TRPC1: variants seen among roughly 807,000 people sequenced by gnomAD.
TRPC1 encodes short transient receptor potential channel 1.
TRPC1 carries 42 observed loss-of-function variants against 88.2 expected under a neutral mutation model. The ratio of observed to expected loss-of-function variants is 0.48; its 90% CI spans 0.37 to 0.62. The LOEUF is 0.62. Among genes scored for constraint, TRPC1 ranks in the 20% least tolerant of loss-of-function variants. The pLI is 0.00. For missense variants in TRPC1, 699 were observed against 957.3 expected, an observed-to-expected ratio of 0.73 and a Z score of 3.56; for synonymous variants, 288 against 331.8, an observed-to-expected ratio of 0.87 and a Z score of 1.43.
Position 142,724,484 on chromosome 3 carries a change from G to T in TRPC1, c.-76G>T. On this transcript the variant is annotated 5_prime_UTR_variant, in exon 1 of 13. Coordinates refer to ENST00000476941, the MANE Select transcript of TRPC1 (RefSeq NM_001251845.2). This position sits in a 1 kb window ranked among gnomAD's most constrained non-coding sequence, Gnocchi z 5.6. ...ATCCTTTTTCCAGCCCTGGGGCGTG[G>T]CTGGGGTCGGGGTCGGGGTCGGGGC... 1.4e-6 allele frequency: 2 copies of T among 1,395,614 alleles called. No individual in the cohort carries two copies. The highest frequency in any genetic ancestry group is 1.9e-6 in the Non-Finnish European group (2 of 1,061,210). 86.5% of individuals were successfully genotyped at this position (1,395,614 alleles called of 1,614,324 possible). A position where few individuals can be genotyped will look rare whatever the true frequency, so the allele number is the denominator to read the frequency against.
chr3:142,803,476 T>G (rs548386212), intron 10 of TRPC1, among the ~76,000 whole-genome samples: 3 of 152,224 alleles, frequency 2.0e-5, no homozygotes, highest in Admixed American at 2.0e-4. Flanking sequence ...CTTGTAAGGA[T>G]TTTGAGTTAT....
At chr3:142,766,818 ATACT>A (rs1935410551) in intron 4 of TRPC1, among the ~76,000 whole-genome samples, 1 of 152,186 alleles carries the variant, frequency 6.6e-6, no homozygotes, top group African/African-American at 2.4e-5. Context: ...ATGTGAGGTA[ATACT>A]TAATAAACTC....
At position 142,806,135 on chromosome 3, in the gene TRPC1, T is replaced by G. The variant is rs1936786889; in HGVS notation, c.2282T>G (p.Leu761Arg). ...ACAGATCAGGCAACTGTGGAAAATC[T>G]AAACGAACTGCGCCAAGATCTGTCA... ...QSTDQATVENLNELRQDLSKF... is the reference protein window; with the variant it reads ...QSTDQATVENRNELRQDLSKF... The change falls in exon 13 of 13, where the codon CTA (leucine) becomes CGA (arginine). Residue 761 changes from leucine (L) to arginine (R), a missense_variant. This residue lies in a region of TRPC1 where 105 missense variants were observed against 141.7 expected (regional missense o/e 0.74). Coordinates refer to ENST00000476941, the MANE Select transcript of TRPC1 (RefSeq NM_001251845.2). The G allele has an allele frequency of 6.2e-7, 1 of 1,613,810 alleles. No homozygotes were observed. Among genetic ancestry groups the G allele is most frequent in the African/African-American group, 1.3e-5 (1 of 74,926 alleles).
chr3:142,803,883 A>T (rs532149290), intron 10 of TRPC1, 94 bp from the exon 11 acceptor site: 1 of 1,256,190 alleles, frequency 8.0e-7, no homozygotes, highest in Non-Finnish European at 1.1e-6. Flanking sequence ...TGGATTATCA[A>T]TGTTTTATTT....
chr3:142,793,962 T>G, intron 9 of TRPC1: 2 of 909,258 alleles, frequency 2.2e-6, no homozygotes, highest in Non-Finnish European at 2.6e-6. Flanking sequence ...CTGAATTAAG[T>G]AAGTTTGGGA....
intron 4 of TRPC1, among the ~76,000 whole-genome samples, chr3:142,763,356 C>T (rs559102017): frequency 6.6e-6 from 1 of 152,076 alleles, no homozygotes; most frequent in South Asian, 2.1e-4. Flanking sequence ...ACTTTATATA[C>T]TTGGGGGCTC....
Position 142,776,166 on chromosome 3 carries a change from G to A in TRPC1, c.633-1466G>A, listed in dbSNP as rs1391379113. Reference sequence around the variant, plus strand: ...TGTTACACTTTTTAAAAAGCAAGCTGTTCCTTTATTATGTCTGATTATGTT... The same window carrying A: ...TGTTACACTTTTTAAAAAGCAAGCTATTCCTTTATTATGTCTGATTATGTT... On this transcript the variant is annotated intron_variant, in intron 4 of 12. Coordinates refer to ENST00000476941, the MANE Select transcript of TRPC1 (RefSeq NM_001251845.2). The surrounding 1 kb of genome is among the most constrained non-coding windows in gnomAD (Gnocchi z 4.1). 4.6e-5 allele frequency among the ~76,000 whole-genome samples: 7 copies of A among 152,118 alleles called. No homozygotes were observed. The highest frequency in any genetic ancestry group is 8.8e-5 in the Non-Finnish European group (6 of 68,026).
At chr3:142,774,798 C>A (rs1935702653) in intron 4 of TRPC1, among the ~76,000 whole-genome samples, 1 of 151,846 alleles carries the variant, frequency 6.6e-6, no homozygotes, top group Admixed American at 6.6e-5. Flanking sequence ...ATTGATAGAT[C>A]TTATGAAAGA....
In TRPC1 at chr3:142,724,636, C is replaced by T; in HGVS notation, c.77C>T (p.Ser26Phe). 1.2e-6 allele frequency: 2 copies of T among 1,612,854 alleles called. No homozygotes were observed. The highest frequency in any genetic ancestry group is 1.7e-6 in the Non-Finnish European group (2 of 1,179,518). ...TCCCTGCCTTCCTCTCCATCCTCTT[C>T]CTCGCCGAACGAGGTGATGGCGCTG... ...SSSLPSSPSS[S>F]SPNEVMALKD... The change falls in exon 1 of 13, where the codon TCC (serine) becomes TTC (phenylalanine). Residue 26 changes from serine to phenylalanine, a missense_variant. Transcript: ENST00000476941. The surrounding 1 kb of genome is among the most constrained non-coding windows in gnomAD (Gnocchi z 5.6).
intron 1 of TRPC1, among the ~76,000 whole-genome samples, chr3:142,734,431 AAT>A (rs1221475656): frequency 6.6e-6 from 1 of 152,166 alleles, no homozygotes; most frequent in Non-Finnish European, 1.5e-5. Context: ...GAGTGGAAGA[AAT>A]ATGTGAAGAA....
chr3:142,739,632 T>A (rs190926386), intron 2 of TRPC1, among the ~76,000 whole-genome samples: 62 of 152,290 alleles, frequency 4.1e-4, no homozygotes, highest in Non-Finnish European at 7.1e-4. Flanking sequence ...AATTTGGGTT[T>A]TATATAATAG....
At position 142,792,658 on chromosome 3, in the gene TRPC1, A is replaced by G. The variant is rs1471887244; in HGVS notation, c.1438-166A>G. Among the ~76,000 whole-genome samples the G allele has an allele frequency of 6.6e-6, 1 of 152,022 alleles. No individual in the cohort carries two copies. The highest frequency in any genetic ancestry group is 1.5e-5 in the Non-Finnish European group (1 of 67,948). ...CACATACATAATAATATTTTATTTC[A>G]TTAAAATATTATTTCTATTTTTAAA... On this transcript the variant is annotated intron_variant, in intron 8 of 12. Transcript: ENST00000476941. The surrounding 1 kb of genome is among the most constrained non-coding windows in gnomAD (Gnocchi z 4.0).
chr3:142,804,688 A>C, intron 12 of TRPC1, 58 bp downstream of exon 12: 2 of 1,500,504 alleles, frequency 1.3e-6, no homozygotes, highest in Non-Finnish European at 1.8e-6. Context: ...CTAATCTCAG[A>C]TATTTCTTAA....
intron 4 of TRPC1, among the ~76,000 whole-genome samples, chr3:142,774,459 T>G (rs901058677): frequency 6.6e-6 from 1 of 152,216 alleles, no homozygotes; most frequent in Non-Finnish European, 1.5e-5. Context: ...TTTCAGCCAG[T>G]AGAGCTATAG....
At chr3:142,764,958 C>CT (rs1175863239) in intron 4 of TRPC1, among the ~76,000 whole-genome samples, 2 of 151,828 alleles carry the variant, frequency 1.3e-5, no homozygotes, top group Non-Finnish European at 1.5e-5. Context: ...GTTCTTTTGT[C>CT]TTTTTTCTCC....
chr3:142,741,259 T>C (rs1201603844), intron 2 of TRPC1, among the ~76,000 whole-genome samples: 2 of 150,350 alleles, frequency 1.3e-5, no homozygotes, highest in Non-Finnish European at 3.0e-5. Context: ...TAACATACCA[T>C]TTGTGCAGAA....
chr3:142,744,660 G>A lies in TRPC1; in HGVS notation c.429+1074G>A, dbSNP rs184194070. ...ATACTTACCACGGTTAAAAATATGC[G>A]TAGAAAAGGGACTGTGTGGAAATGC... On this transcript the variant is annotated intron_variant, in intron 3 of 12. Coordinates refer to ENST00000476941, the MANE Select transcript of TRPC1 (RefSeq NM_001251845.2). Among the ~76,000 whole-genome samples, 129 of 152,226 alleles carry A rather than the reference G, an allele frequency of 8.5e-4. 1 individual carries two copies. Among genetic ancestry groups the A allele is most frequent in the Admixed American group, 5.1e-3 (78 of 15,292 alleles).
chr3:142,784,703 G>A lies in TRPC1; in HGVS notation c.961-1G>A. ...TTAATGTGTGTGTATGTCCTTTTCA[G>A]TTTGTCTCCCAGTCTAACTGCCAGC... is the stretch of plus-strand genomic sequence containing the variant. On this transcript the variant is annotated splice_acceptor_variant, in intron 6 of 12. Coordinates refer to ENST00000476941, the MANE Select transcript of TRPC1 (RefSeq NM_001251845.2). LOFTEE classifies it high-confidence loss of function. 1 of 1,605,880 alleles carries A rather than the reference G, an allele frequency of 6.2e-7. No individual in the cohort carries two copies. The highest frequency in any genetic ancestry group is 8.5e-7 in the Non-Finnish European group (1 of 1,176,288).
At chr3:142,798,099 C>G (rs552500103) in intron 9 of TRPC1, among the ~76,000 whole-genome samples, 1 of 152,002 alleles carries the variant, frequency 6.6e-6, no homozygotes, top group African/African-American at 2.4e-5. Context: ...CCTAGATTCT[C>G]AAGTCCTACC....
Sources: gnomAD v4.1 joint callset for allele counts (sites outside exome capture counted in the v4.1 genomes callset) on GRCh38, gnomAD v4.1.1 for gene constraint, gnomAD v4.1.1 regional missense constraint, Gnocchi (gnomAD v3.1) non-coding constraint, MANE v1.5 for transcripts, NCBI Gene and HGNC (gene_info 2026-07-23, HGNC 2026-07-21) for gene names.